The following ZNF385D variants were observed in gnomAD, a reference collection of about 807,000 sequenced individuals.
The protein encoded by ZNF385D is zinc finger protein 659.
Under a neutral mutation model 35.8 loss-of-function variants are expected in ZNF385D, and 15 were observed. The ratio of observed to expected loss-of-function variants is 0.42; its 90% CI spans 0.28 to 0.64. The LOEUF (loss-of-function observed/expected upper bound fraction) is 0.64, where lower values mean the gene tolerates loss of function less well. ZNF385D is among the 30% of genes least tolerant of loss of function. The pLI is 0.23. For missense variants in ZNF385D, 474 were observed against 494.6 expected (o/e 0.96, Z 0.39); for synonymous variants, 212 against 186.8 (o/e 1.13, Z -1.10).
At chr3:21,989,115 T>A (rs1376956216) in intron 3 of ZNF385D, among the ~76,000 whole-genome samples, 2 of 152,152 alleles carry the variant, frequency 1.3e-5, no homozygotes, top group Non-Finnish European at 2.9e-5. Context: ...ACCCGTCTTC[T>A]GCGTCGCTCA....
intron 3 of ZNF385D, among the ~76,000 whole-genome samples, chr3:21,841,916 GTA>G (rs1559680151): frequency 6.6e-6 from 1 of 150,580 alleles, no homozygotes; most frequent in Non-Finnish European, 1.5e-5. Flanking sequence ...ATACATATAT[GTA>G]TATATACACA....
intron 4 of ZNF385D, among the ~76,000 whole-genome samples, chr3:21,494,725 T>G (rs79000047): frequency 0.06 from 9,199 of 152,240 alleles, 939 homozygotes; most frequent in African/African-American, 0.21. Context: ...CTCAACCACT[T>G]TATCACAGCT....
At chr3:22,230,855 GAA>G (rs1698846884) in intron 2 of ZNF385D, among the ~76,000 whole-genome samples, 2 of 152,116 alleles carry the variant, frequency 1.3e-5, no homozygotes, top group African/African-American at 4.8e-5. Context: ...AGAAGCAGAG[GAA>G]AAAGTGTGTG....
At chr3:21,693,500 C>A (rs1290765488) in intron 1 of ZNF385D, among the ~76,000 whole-genome samples, 1 of 152,134 alleles carries the variant, frequency 6.6e-6, no homozygotes, top group Non-Finnish European at 1.5e-5. Context: ...AACTTACAAT[C>A]AGAACACCAA....
At chr3:22,221,503 A>C (rs949629778) in intron 2 of ZNF385D, among the ~76,000 whole-genome samples, 2 of 152,156 alleles carry the variant, frequency 1.3e-5, no homozygotes, top group Non-Finnish European at 2.9e-5. Context: ...TTAAGACTGA[A>C]AATCTTCACT....
At chr3:22,167,116 C>G (rs991503964) in intron 3 of ZNF385D, among the ~76,000 whole-genome samples, 4 of 152,200 alleles carry the variant, frequency 2.6e-5, no homozygotes, top group African/African-American at 9.7e-5. Context: ...CCAAAGACAG[C>G]TTAAAGCCTG....
At chr3:21,613,024 A>G (rs1302389589) in intron 2 of ZNF385D, among the ~76,000 whole-genome samples, 1 of 150,780 alleles carries the variant, frequency 6.6e-6, no homozygotes, top group Non-Finnish European at 1.5e-5. Flanking sequence ...CCAGGGTACT[A>G]AAGAACACCC....
chr3:22,149,861 G>T (rs79828008), intron 3 of ZNF385D, among the ~76,000 whole-genome samples: 160 of 152,076 alleles, frequency 1.1e-3, no homozygotes, highest in African/African-American at 3.6e-3. Flanking sequence ...GATGTTATCA[G>T]TGCTAAGTAT....
chr3:21,455,063 C>T (rs1014161114), intron 4 of ZNF385D, among the ~76,000 whole-genome samples: 5 of 152,182 alleles, frequency 3.3e-5, no homozygotes, highest in African/African-American at 9.6e-5. Context: ...GAACTACAAG[C>T]CACTGCTCAA....
At chr3:21,757,120 C>CTCTTTT (rs1194556367) in intron 3 of ZNF385D, among the ~76,000 whole-genome samples, 1 of 106,420 alleles carries the variant, frequency 9.4e-6, no homozygotes, top group Non-Finnish European at 1.8e-5. Context: ...ATAAATTTCT[C>CTCTTTT]TTTTTTTTTT....
intron 3 of ZNF385D, among the ~76,000 whole-genome samples, chr3:21,825,707 C>T (rs1694562856): frequency 6.6e-6 from 1 of 152,190 alleles, no homozygotes; most frequent in Admixed American, 6.5e-5. Context: ...ATTTTCTTGT[C>T]TCTTTCTCTG....
At chr3:22,244,257 T>C (rs1428699733) in intron 2 of ZNF385D, among the ~76,000 whole-genome samples, 1 of 149,888 alleles carries the variant, frequency 6.7e-6, no homozygotes, top group African/African-American at 2.5e-5. Context: ...ATAACAGCCT[T>C]GGACTTGTGA....
At chr3:22,101,425 C>T (rs1224409845) in intron 3 of ZNF385D, among the ~76,000 whole-genome samples, 1 of 152,090 alleles carries the variant, frequency 6.6e-6, no homozygotes, top group Non-Finnish European at 1.5e-5. Flanking sequence ...ACGTGCCAAT[C>T]TGTGTGCTGG....
chr3:22,355,314 C>A (rs1306662637), intron 2 of ZNF385D, among the ~76,000 whole-genome samples: 1 of 151,942 alleles, frequency 6.6e-6, no homozygotes, highest in Non-Finnish European at 1.5e-5. Flanking sequence ...AGTTTTTAAT[C>A]TCTGGATATG....
At chr3:21,738,049 G>A (rs1439880031) in intron 1 of ZNF385D, among the ~76,000 whole-genome samples, 1 of 152,250 alleles carries the variant, frequency 6.6e-6, no homozygotes, top group African/African-American at 2.4e-5. Flanking sequence ...GCCCTGTGCA[G>A]ACTTCCTGAA....
intron 2 of ZNF385D, among the ~76,000 whole-genome samples, chr3:21,606,809 C>A (rs573404584): frequency 6.6e-6 from 1 of 152,328 alleles, no homozygotes; most frequent in East Asian, 1.9e-4. Flanking sequence ...TAGGATTTAA[C>A]CTCCATGCTG....
chr3:22,010,043 A>G (rs1696471823), intron 3 of ZNF385D, among the ~76,000 whole-genome samples: 1 of 152,214 alleles, frequency 6.6e-6, no homozygotes, highest in Admixed American at 6.5e-5. Context: ...AACTGTTATC[A>G]AAATCCCACA....
intron 3 of ZNF385D, among the ~76,000 whole-genome samples, chr3:21,953,264 T>G (rs909689597): frequency 6.7e-6 from 1 of 148,974 alleles, no homozygotes; most frequent in Non-Finnish European, 1.5e-5. Flanking sequence ...GAATAAAACT[T>G]TTTTTTTTTT....
intron 3 of ZNF385D, among the ~76,000 whole-genome samples, chr3:22,118,962 G>A (rs1468336488): frequency 1.3e-5 from 2 of 152,018 alleles, no homozygotes; most frequent in Non-Finnish European, 2.9e-5. Flanking sequence ...TTTTAACATG[G>A]AATATGATCA....
Sources: allele counts gnomAD v4.1 joint callset (sites outside exome capture counted in the v4.1 genomes callset), GRCh38; gene constraint gnomAD v4.1.1; transcripts MANE v1.5; gene names NCBI Gene and HGNC (gene_info 2026-07-23, HGNC 2026-07-21).